PCDHA6: variants seen among roughly 807,000 people sequenced by gnomAD.
PCDHA6 encodes protocadherin alpha-6.
A neutral mutation model predicts 60.3 loss-of-function variants in PCDHA6; 55 were observed. The ratio of observed to expected loss-of-function variants is 0.91; its 90% CI spans 0.73 to 1.14. The LOEUF (loss-of-function observed/expected upper bound fraction) is 1.14, where lower values mean the gene tolerates loss of function less well. Ranked by LOEUF, PCDHA6 falls within the 50% of genes most tolerant of loss-of-function variation. The pLI is 0.00. For missense variants in PCDHA6, 1,327 were observed against 1,256.5 expected (o/e 1.06, Z -0.85); for synonymous variants, 652 against 557.9 (o/e 1.17, Z -2.38).
rs963313279 is a variant in PCDHA6, at chr5:140,848,520, C to A, written c.2394+18035C>A. On this transcript the variant is annotated intron_variant, in intron 1 of 3. Coordinates refer to ENST00000529310, the MANE Select transcript of PCDHA6 (RefSeq NM_018909.4). Reference sequence around the variant, plus strand: ...AATGTTATACTCAAGTCGAGGAGATCCAGAGGGTCAGCCTCTACTGCTCTC... The same window carrying A: ...AATGTTATACTCAAGTCGAGGAGATACAGAGGGTCAGCCTCTACTGCTCTC... The A allele has an allele frequency of 3.1e-6, 5 of 1,592,812 alleles. 1 individual carries two copies. The Admixed American group carries it at 5.1e-5, about 16-fold the overall frequency.
chr5:140,924,647 C>G (rs1396293249), intron 1 of PCDHA6, among the ~76,000 whole-genome samples: 1 of 152,132 alleles, frequency 6.6e-6, no homozygotes, highest in East Asian at 1.9e-4. Context: ...GTAATCCCAG[C>G]ACTTTGGGAG....
chr5:140,853,533 T>C (rs2042784288), intron 1 of PCDHA6: 2 of 979,954 alleles, frequency 2.0e-6, no homozygotes, highest in African/African-American at 3.5e-5. Context: ...TATGTCTCTT[T>C]TCAAGTTGTA....
intron 1 of PCDHA6, among the ~76,000 whole-genome samples, chr5:140,960,097 T>C (rs2095526762): frequency 6.6e-6 from 1 of 152,232 alleles, no homozygotes. Context: ...AAGAAACTTG[T>C]AGTTGTGGGA....
intron 1 of PCDHA6, chr5:140,967,345 CGAGCTG>C (rs1443872198): frequency 1.2e-6 from 2 of 1,607,634 alleles, no homozygotes; most frequent in Non-Finnish European, 1.7e-6. Context: ...GCGAGCACTT[CGAGCTG>C]GACCTTAAGC....
intron 1 of PCDHA6, among the ~76,000 whole-genome samples, chr5:140,975,536 A>G (rs957684886): frequency 2.0e-5 from 3 of 152,226 alleles, no homozygotes; most frequent in Admixed American, 1.3e-4. Flanking sequence ...TATTCTTAAT[A>G]CAGTCCTATT....
intron 1 of PCDHA6, among the ~76,000 whole-genome samples, chr5:140,910,796 C>T (rs2075173732): frequency 6.6e-6 from 1 of 152,112 alleles, no homozygotes; most frequent in South Asian, 2.1e-4. Flanking sequence ...ATGCAGAATC[C>T]CTGCTTAGTG....
chr5:140,853,444 A>G, intron 1 of PCDHA6: 1 of 982,390 alleles, frequency 1.0e-6, no homozygotes, highest in Non-Finnish European at 1.2e-6. Context: ...TATTTTGCCT[A>G]ATAGGTCTCC....
At chr5:140,870,248 G>T in intron 1 of PCDHA6, 1 of 1,614,190 alleles carries the variant, frequency 6.2e-7, no homozygotes, top group South Asian at 1.1e-5. Context: ...GGTGTCAACG[G>T]ACAGGTGACC....
At chr5:140,933,592 G>T (rs1034374854) in intron 1 of PCDHA6, among the ~76,000 whole-genome samples, 2 of 151,986 alleles carry the variant, frequency 1.3e-5, no homozygotes, top group Non-Finnish European at 2.9e-5. Context: ...TTTTTAGGTT[G>T]ATTTGTCTTT....
chr5:141,002,917 T>C (rs572461368), intron 3 of PCDHA6, among the ~76,000 whole-genome samples: 1 of 152,310 alleles, frequency 6.6e-6, no homozygotes, highest in East Asian at 1.9e-4. Context: ...ATCAGAAAAG[T>C]GAACACCCTC....
At chr5:140,995,235 A>G (rs1313042272) in intron 3 of PCDHA6, among the ~76,000 whole-genome samples, 1 of 152,188 alleles carries the variant, frequency 6.6e-6, no homozygotes, top group Non-Finnish European at 1.5e-5. Flanking sequence ...TGGGGCCAGT[A>G]TTAAGTAAAA....
intron 1 of PCDHA6, among the ~76,000 whole-genome samples, chr5:140,900,556 C>T (rs757442954): frequency 4.6e-5 from 7 of 152,168 alleles, no homozygotes; most frequent in Non-Finnish European, 5.9e-5. Flanking sequence ...GGATTACAGG[C>T]GTGAGCCACG....
intron 1 of PCDHA6, among the ~76,000 whole-genome samples, chr5:140,840,357 T>G (rs1554137775): frequency 6.6e-6 from 1 of 151,884 alleles, no homozygotes; most frequent in Non-Finnish European, 1.5e-5. Flanking sequence ...CAGGTAAAAA[T>G]GTCAGGTAGA....
chr5:140,856,168 C>A, intron 1 of PCDHA6: 1 of 1,598,314 alleles, frequency 6.3e-7, no homozygotes, highest in Non-Finnish European at 8.6e-7. Context: ...AGGCCAGACA[C>A]GGCACCTTCG....
In PCDHA6 at chr5:140,843,327, T is replaced by C. The variant is rs2150357538; in HGVS notation, c.2394+12842T>C. On this transcript the variant is annotated intron_variant, in intron 1 of 3. Coordinates refer to ENST00000529310, the MANE Select transcript of PCDHA6 (RefSeq NM_018909.4). ...GCCACGGCCACGGTTCTGGTGTCGC[T>C]GGTGGAGAGCGGCCAGGCTCCAAAA... 16 of 1,595,936 alleles carry C rather than the reference T, an allele frequency of 1.0e-5. No individual in the cohort carries two copies. In the South Asian group the frequency reaches 1.5e-4, roughly 15 times the overall value.
chr5:140,982,224 A>G (rs893184323), intron 2 of PCDHA6: 8 of 587,202 alleles, frequency 1.4e-5, no homozygotes, highest in South Asian at 3.8e-5. Flanking sequence ...TGGCGTTAAT[A>G]AAAAACAGAA....
At chr5:140,865,675 A>G (rs564629506) in intron 1 of PCDHA6, 8 of 152,324 alleles carry the variant, frequency 5.3e-5, no homozygotes, top group African/African-American at 1.9e-4. Flanking sequence ...AACAATTTCT[A>G]AAGTACATAT....
intron 1 of PCDHA6, chr5:140,854,088 G>A (rs1262177028): frequency 3.8e-6 from 1 of 266,394 alleles, no homozygotes; most frequent in African/African-American, 2.4e-5. Context: ...CTTGAGCCTG[G>A]GACATTGAGG....
intron 1 of PCDHA6, chr5:140,841,846 T>G (rs2150323998): frequency 6.2e-7 from 1 of 1,613,898 alleles, no homozygotes. Flanking sequence ...TTAGCTCTCA[T>G]GATTACTTCA....
Sources: gnomAD v4.1 joint callset for allele counts (sites outside exome capture counted in the v4.1 genomes callset) on GRCh38, gnomAD v4.1.1 for gene constraint, MANE v1.5 for transcripts, NCBI Gene and HGNC (gene_info 2026-07-23, HGNC 2026-07-21) for gene names.